Variants in TEAD1 observed in about 807,000 individuals in gnomAD.
TEAD1 encodes the protein TEA domain transcription factor 1.
Under a neutral mutation model 54.9 loss-of-function variants are expected in TEAD1, and 9 were observed. That is an observed-to-expected ratio of 0.16 (90% CI 0.10 to 0.29). The LOEUF (loss-of-function observed/expected upper bound fraction) is 0.29. Among genes scored for constraint, TEAD1 ranks in the 10% least tolerant of loss-of-function variants. The pLI is 1.00. For synonymous variants in TEAD1, 200 were observed against 187.8 expected (o/e 1.07, Z -0.53); for missense variants, 387 against 535.9 (o/e 0.72, Z 2.74).
At chr11:12,879,600 T>C in intron 5 of TEAD1, 108 bp from the exon 6 acceptor site, 1 of 1,441,984 alleles carries the variant, frequency 6.9e-7, no homozygotes, top group Non-Finnish European at 9.7e-7. Flanking sequence ...TTTTTTGGCC[T>C]ATTTTGTGGC....
chr11:12,768,108 C>G (rs974016970), intron 3 of TEAD1, among the ~76,000 whole-genome samples: 2 of 152,192 alleles, frequency 1.3e-5, no homozygotes, highest in Non-Finnish European at 2.9e-5. Context: ...GGGACAGGAA[C>G]TAACCTTCAC....
At chr11:12,736,226 A>G (rs966261768) in intron 2 of TEAD1, among the ~76,000 whole-genome samples, 1 of 152,172 alleles carries the variant, frequency 6.6e-6, no homozygotes, top group Admixed American at 6.5e-5. Context: ...TACTATTTCT[A>G]TTCAAAACTG....
chr11:12,697,355 G>A (rs1943607945), intron 2 of TEAD1, among the ~76,000 whole-genome samples: 1 of 152,234 alleles, frequency 6.6e-6, no homozygotes, highest in Non-Finnish European at 1.5e-5. Context: ...AGACCAGTAT[G>A]GTTGGGGACC....
chr11:12,918,633 T>G (rs528597053), intron 10 of TEAD1, among the ~76,000 whole-genome samples: 6 of 152,264 alleles, frequency 3.9e-5, no homozygotes. Flanking sequence ...GACCGAGTAA[T>G]TACACTCCTA....
At chr11:12,871,796 G>A (rs1260732556) in intron 5 of TEAD1, among the ~76,000 whole-genome samples, 1 of 143,790 alleles carries the variant, frequency 7.0e-6, no homozygotes, top group Non-Finnish European at 1.5e-5. Context: ...TAAGAGGAAA[G>A]GAAGTCTTCG....
At chr11:12,721,313 A>G (rs1026932053) in intron 2 of TEAD1, among the ~76,000 whole-genome samples, 26 of 152,144 alleles carry the variant, frequency 1.7e-4, no homozygotes, top group African/African-American at 5.8e-4. Flanking sequence ...CAGGTTCAGG[A>G]GCACCACATT....
intron 11 of TEAD1, 70 bp from the exon 12 acceptor site, chr11:12,930,104 G>T: frequency 6.3e-7 from 1 of 1,578,822 alleles, no homozygotes; most frequent in Non-Finnish European, 8.7e-7. Context: ...GCTTTTATGG[G>T]CAGTAATATC....
At chr11:12,895,209 G>A (rs1023085809) in intron 9 of TEAD1, among the ~76,000 whole-genome samples, 1 of 149,086 alleles carries the variant, frequency 6.7e-6, no homozygotes, top group Admixed American at 6.6e-5. Flanking sequence ...ACCCCCCCCG[G>A]GTATCTCAGA....
At chr11:12,832,500 G>A (rs943408145) in intron 3 of TEAD1, among the ~76,000 whole-genome samples, 1 of 152,088 alleles carries the variant, frequency 6.6e-6, no homozygotes, top group African/African-American at 2.4e-5. Flanking sequence ...TAAGTTTAAG[G>A]TTTCCTTCTG....
At chr11:12,683,433 A>T (rs1016347314) in intron 2 of TEAD1, among the ~76,000 whole-genome samples, 1 of 152,122 alleles carries the variant, frequency 6.6e-6, no homozygotes, top group South Asian at 2.1e-4. Context: ...TTTTAGGAGC[A>T]TGGATTTCCT....
chr11:12,690,227 G>A (rs1236358354), intron 2 of TEAD1, among the ~76,000 whole-genome samples: 2 of 142,908 alleles, frequency 1.4e-5, no homozygotes, highest in Non-Finnish European at 3.0e-5. Flanking sequence ...GGGCGACAGA[G>A]TGAGACTCCG....
chr11:12,690,270 G>T (rs1043193018), intron 2 of TEAD1, among the ~76,000 whole-genome samples: 10 of 150,012 alleles, frequency 6.7e-5, no homozygotes, highest in Admixed American at 6.7e-5. Flanking sequence ...AAAATAATAA[G>T]CCCTTAATGT....
At chr11:12,808,534 G>A (rs1181046152) in intron 3 of TEAD1, among the ~76,000 whole-genome samples, 1 of 152,118 alleles carries the variant, frequency 6.6e-6, no homozygotes, top group Non-Finnish European at 1.5e-5. Context: ...CCAATTTGCA[G>A]AGGGTCTCTG....
chr11:12,900,384 A>G (rs755790289), intron 9 of TEAD1, among the ~76,000 whole-genome samples: 1 of 152,206 alleles, frequency 6.6e-6, no homozygotes, highest in Non-Finnish European at 1.5e-5. Context: ...TTAATACGCT[A>G]GTATTTACTG....
intron 2 of TEAD1, among the ~76,000 whole-genome samples, chr11:12,698,594 T>C (rs1323021570): frequency 1.3e-5 from 2 of 152,108 alleles, no homozygotes; most frequent in African/African-American, 4.8e-5. Context: ...GCTTGGGTGA[T>C]TGAGTGCTCT....
intron 3 of TEAD1, among the ~76,000 whole-genome samples, chr11:12,791,096 G>A (rs533291795): frequency 3.3e-5 from 5 of 152,160 alleles, no homozygotes; most frequent in East Asian, 3.8e-4. Flanking sequence ...CCTCATCTCC[G>A]TTATGGATTG....
At chr11:12,924,837 C>A (rs1948879970) in intron 10 of TEAD1, 75 bp from the exon 11 acceptor site, 4 of 1,576,636 alleles carry the variant, frequency 2.5e-6, no homozygotes, top group Admixed American at 1.7e-5. Context: ...AGAGGTCTTA[C>A]CCTGAAAGTT....
At chr11:12,803,112 T>G (rs77840438) in intron 3 of TEAD1, among the ~76,000 whole-genome samples, 3,082 of 152,096 alleles carry the variant, frequency 0.02, 110 homozygotes, top group African/African-American at 0.069. Flanking sequence ...ATTTTTTTTT[T>G]TTGTTTTGCC....
intron 8 of TEAD1, 83 bp downstream of exon 8, chr11:12,882,040 G>A: frequency 6.7e-7 from 1 of 1,484,044 alleles, no homozygotes; most frequent in Non-Finnish European, 9.4e-7. Context: ...CCAGAGTCAA[G>A]AGATGCTCAA....
Sources: allele counts gnomAD v4.1 joint callset (sites outside exome capture counted in the v4.1 genomes callset), GRCh38; gene constraint gnomAD v4.1.1; transcripts MANE v1.5; gene names NCBI Gene and HGNC (gene_info 2026-07-23, HGNC 2026-07-21).